The following CHL1 variants were observed in gnomAD, a reference collection of about 807,000 sequenced individuals.
CHL1 encodes the protein neural cell adhesion molecule L1-like protein.
A neutral mutation model predicts 141.9 loss-of-function variants in CHL1; 96 were observed. That is an observed-to-expected ratio of 0.68 (90% CI 0.57 to 0.80). CHL1 has a LOEUF of 0.80. Among genes scored for constraint, CHL1 ranks in the 30% least tolerant of loss-of-function variants. The probability of loss-of-function intolerance (pLI) is 0.00; values close to 1 mark genes in which losing one functional copy is unlikely to be tolerated. For synonymous variants in CHL1, 613 were observed against 502.2 expected, an observed-to-expected ratio of 1.22 and a Z score of -2.95; for missense variants, 1,820 against 1,457.2, an observed-to-expected ratio of 1.25 and a Z score of -4.05.
chr3:405,647 C>A lies in CHL1; in HGVS notation c.3611C>A (p.Ser1204Tyr). ...TCATTTATTGGTGCCTACGCTGGAT[C>A]TAAGGAGAAGGGATCTGTTGAAAGC... is the stretch of plus-strand genomic sequence containing the variant. The part of the protein sequence containing the change: ...DGSFIGAYAG[S>Y]KEKGSVESNG... Residue 1204 changes from serine to tyrosine, a missense_variant, in exon 28 of 28, where the codon TCT becomes TAT. Coordinates refer to ENST00000256509, the MANE Select transcript of CHL1 (RefSeq NM_006614.4). 6.2e-7 allele frequency: 1 copy of A among 1,613,554 alleles called. No homozygotes were observed. The highest frequency in any genetic ancestry group is 8.5e-7 in the Non-Finnish European group (1 of 1,179,606).
At chr3:220,874 T>C (rs1338046115) in intron 1 of CHL1, among the ~76,000 whole-genome samples, 1 of 152,192 alleles carries the variant, frequency 6.6e-6, no homozygotes, top group East Asian at 1.9e-4. Flanking sequence ...GTTGAACATG[T>C]TTTAACCCAC....
chr3:334,342 CT>C (rs1458994486), intron 5 of CHL1, among the ~76,000 whole-genome samples: 2 of 152,016 alleles, frequency 1.3e-5, no homozygotes, highest in Non-Finnish European at 2.9e-5. Flanking sequence ...CCACCAATGA[CT>C]TTTTTAGTAA....
intron 2 of CHL1, among the ~76,000 whole-genome samples, chr3:280,940 CACA>C (rs1430786238): frequency 3.3e-5 from 5 of 152,028 alleles, no homozygotes; most frequent in Non-Finnish European, 7.4e-5. Flanking sequence ...CACACGCACA[CACA>C]ACAACTGTTT....
intron 1 of CHL1, among the ~76,000 whole-genome samples, chr3:205,914 C>G (rs1699393281): frequency 6.6e-6 from 1 of 152,204 alleles, no homozygotes; most frequent in Non-Finnish European, 1.5e-5. Flanking sequence ...TGTCCAATGT[C>G]ACACAATATG....
Position 390,620 on chromosome 3 carries a change from C to T in CHL1, c.2471-81C>T. 5.0e-6 allele frequency: 4 copies of T among 798,544 alleles called. No individual in the cohort carries two copies. The Admixed American group carries it at 8.6e-5, about 17-fold the overall frequency. The allele number at this position is 798,544 out of a possible 1,614,324, so 49.5% of individuals were successfully genotyped here. On this transcript the variant is annotated intron_variant, in intron 20 of 27. Transcript: ENST00000256509. ...ACAAAAGTGCTTTCTCCAGAAGAAA[C>T]ATTATGAAAATTTTTGAAAAGGATC...
At chr3:220,676 A>T (rs528660667) in intron 1 of CHL1, among the ~76,000 whole-genome samples, 2 of 152,320 alleles carry the variant, frequency 1.3e-5, no homozygotes, top group East Asian at 3.9e-4. Flanking sequence ...TGGGCAACAT[A>T]GTGAGATCCC....
At chr3:379,954 C>A (rs1410010465) in intron 16 of CHL1, among the ~76,000 whole-genome samples, 3 of 152,110 alleles carry the variant, frequency 2.0e-5, no homozygotes, top group Non-Finnish European at 2.9e-5. Flanking sequence ...TACTTGACCC[C>A]CTTTAATCAA....
chr3:221,060 T>C (rs930415659), intron 1 of CHL1, among the ~76,000 whole-genome samples: 2 of 152,184 alleles, frequency 1.3e-5, no homozygotes, highest in African/African-American at 4.8e-5. Flanking sequence ...AATTAGAAAA[T>C]CTTTGAATCC....
At chr3:348,889 G>C (rs1702994570) in intron 9 of CHL1, among the ~76,000 whole-genome samples, 1 of 152,208 alleles carries the variant, frequency 6.6e-6, no homozygotes, top group Admixed American at 6.5e-5. Flanking sequence ...CAGCATCATA[G>C]GATTAAAAGG....
chr3:284,701 G>A (rs769630892), intron 2 of CHL1, among the ~76,000 whole-genome samples: 14 of 152,132 alleles, frequency 9.2e-5, no homozygotes, highest in South Asian at 4.1e-4. Context: ...GTGGTGACCA[G>A]GGAAAACTGT....
At chr3:382,322 T>A (rs753998653) in intron 17 of CHL1, 42 bp downstream of exon 17, 3 of 1,552,222 alleles carry the variant, frequency 1.9e-6, no homozygotes, top group African/African-American at 2.7e-5. Context: ...CTCTAGATAG[T>A]CAAAATTAAT....
Position 360,272 on chromosome 3 carries a change from A to C in CHL1, c.1166-12A>C. On this transcript the variant is annotated splice_polypyrimidine_tract_variant and intron_variant, in intron 11 of 27. Transcript: ENST00000256509. ...GTTCCTTATCAAACTGACATTCTTT[A>C]ATCTCTTTCAGATCATCCATTTGCT... is the stretch of plus-strand genomic sequence containing the variant. The C allele has an allele frequency of 6.2e-7, 1 of 1,613,028 alleles. No individual in the cohort carries two copies. The highest frequency in any genetic ancestry group is 8.5e-7 in the Non-Finnish European group (1 of 1,179,430).
At chr3:306,877 C>A (rs4685561) in intron 2 of CHL1, among the ~76,000 whole-genome samples, 36,308 of 151,976 alleles carry the variant, frequency 0.24, 4,509 homozygotes, top group South Asian at 0.37. Flanking sequence ...GATGACCATC[C>A]CTGTCACTAC....
intron 1 of CHL1, among the ~76,000 whole-genome samples, chr3:226,387 C>A (rs1266431073): frequency 9.1e-6 from 1 of 109,360 alleles, no homozygotes; most frequent in African/African-American, 3.2e-5. Context: ...TATATATATA[C>A]TTATATATTA....
In CHL1 at chr3:360,756, A is replaced by C. The variant is rs1380690420; in HGVS notation, c.1306+332A>C. Among the ~76,000 whole-genome samples the C allele has an allele frequency of 6.6e-4, 47 of 71,412 alleles. No homozygotes were observed. In the East Asian group the frequency reaches 6.9e-3, roughly 10 times the overall value. The allele number at this position is 71,412 out of a possible 152,430, so 46.8% of individuals were successfully genotyped here. On this transcript the variant is annotated intron_variant, in intron 12 of 27. Coordinates refer to ENST00000256509, the MANE Select transcript of CHL1 (RefSeq NM_006614.4). The stretch of plus-strand genomic sequence containing the variant: ...CCCGCCCCCCCTCCCCCCACCCCAC[A>C]ACAGTCCCCAGAGTGTGATGTTCCC...
At chr3:314,773 A>T (rs2125007930) in intron 2 of CHL1, among the ~76,000 whole-genome samples, 1 of 152,220 alleles carries the variant, frequency 6.6e-6, no homozygotes, top group Admixed American at 6.5e-5. Context: ...AAAAAGGTGC[A>T]AGGCTTCTTG....
intron 2 of CHL1, among the ~76,000 whole-genome samples, chr3:313,258 C>T (rs993155473): frequency 6.6e-6 from 1 of 152,024 alleles, no homozygotes; most frequent in Non-Finnish European, 1.5e-5. Flanking sequence ...GGAAATTTGA[C>T]CTAAAACTGT....
chr3:301,116 T>C (rs1035235406), intron 2 of CHL1, among the ~76,000 whole-genome samples: 5 of 152,180 alleles, frequency 3.3e-5, no homozygotes, highest in Admixed American at 6.6e-5. Context: ...AGATCTCCTT[T>C]ACATGAGCAA....
intron 11 of CHL1, among the ~76,000 whole-genome samples, chr3:355,811 T>G (rs980854384): frequency 6.6e-6 from 1 of 152,188 alleles, no homozygotes; most frequent in African/African-American, 2.4e-5. Context: ...GTGATTCATC[T>G]GTAGAGCACT....
Sources: gnomAD v4.1 joint callset for allele counts (sites outside exome capture counted in the v4.1 genomes callset) on GRCh38, gnomAD v4.1.1 for gene constraint, MANE v1.5 for transcripts, NCBI Gene and HGNC (gene_info 2026-07-23, HGNC 2026-07-21) for gene names.